WWOX: variants seen among roughly 807,000 people sequenced by gnomAD.
The protein encoded by WWOX is WW domain-containing oxidoreductase.
A neutral mutation model predicts 46.2 loss-of-function variants in WWOX; 69 were observed. That is an observed-to-expected ratio of 1.49 (90% confidence interval 1.23 to 1.82). WWOX has a LOEUF of 1.82. Among genes scored for constraint, WWOX ranks in the 40% most tolerant of loss-of-function variants. The pLI, the probability that WWOX is intolerant of heterozygous loss-of-function variation, is 0.00. For missense variants in WWOX, 919 were observed against 542.6 expected (o/e 1.69, Z -6.89); for synonymous variants, 359 against 202.6 (o/e 1.77, Z -6.56).
chr16:78,508,208 G>A (rs922994143), intron 8 of WWOX, among the ~76,000 whole-genome samples: 3 of 151,356 alleles, frequency 2.0e-5, no homozygotes, highest in East Asian at 1.9e-4. Flanking sequence ...ACAGGGTTTC[G>A]CCATGTTGGC....
chr16:78,935,514 C>A (rs981368083), intron 8 of WWOX, among the ~76,000 whole-genome samples: 3 of 151,180 alleles, frequency 2.0e-5, no homozygotes, highest in Non-Finnish European at 4.4e-5. Flanking sequence ...GACAAAAAAA[C>A]CAAACACTGC....
intron 8 of WWOX, among the ~76,000 whole-genome samples, chr16:78,786,847 G>A (rs1178617655): frequency 6.6e-6 from 1 of 152,184 alleles, no homozygotes; most frequent in African/African-American, 2.4e-5. Context: ...TTTACATAAT[G>A]TAAAATTTAC....
intron 8 of WWOX, among the ~76,000 whole-genome samples, chr16:78,536,156 C>G (rs534258906): frequency 5.3e-5 from 8 of 152,216 alleles, no homozygotes; most frequent in African/African-American, 1.9e-4. Context: ...GATACAGGCA[C>G]CACAACATAA....
At chr16:78,539,821 A>G (rs534389243) in intron 8 of WWOX, among the ~76,000 whole-genome samples, 1 of 152,312 alleles carries the variant, frequency 6.6e-6, no homozygotes, top group South Asian at 2.1e-4. Context: ...GATGCTGGGA[A>G]TGCGTTCATT....
Position 78,807,780 on chromosome 16 carries a change from G to A in WWOX, c.1056+375028G>A, listed in dbSNP as rs114501737. Among the ~76,000 whole-genome samples the A allele has an allele frequency of 3.2e-3, 485 of 152,236 alleles. 2 individuals are homozygous for A. Among genetic ancestry groups the A allele is most frequent in the African/African-American group, 0.011 (456 of 41,538 alleles). On this transcript the variant is annotated intron_variant, in intron 8 of 8. Coordinates refer to ENST00000566780, the MANE Select transcript of WWOX (RefSeq NM_016373.4). ...GTAGAGCTGCTTGTTTGTCTGATAC[G>A]GTAGCCATTAGCCACATGTGGCTAT...
chr16:79,137,830 C>A (rs1221033862), intron 8 of WWOX, among the ~76,000 whole-genome samples: 1 of 152,040 alleles, frequency 6.6e-6, no homozygotes, highest in East Asian at 1.9e-4. Flanking sequence ...GGTCAGGCTT[C>A]TGGCCCCGTC....
intron 8 of WWOX, among the ~76,000 whole-genome samples, chr16:78,855,557 C>G (rs1417645761): frequency 1.3e-5 from 2 of 152,186 alleles, no homozygotes; most frequent in African/African-American, 4.8e-5. Context: ...TTTCCCCAAG[C>G]ACTTTGATGA....
intron 8 of WWOX, among the ~76,000 whole-genome samples, chr16:79,045,291 C>G (rs574511319): frequency 6.6e-6 from 1 of 152,180 alleles, no homozygotes; most frequent in Non-Finnish European, 1.5e-5. Context: ...TCAGTGATAG[C>G]TCATGGGACA....
chr16:78,660,301 T>C (rs2047181281), intron 8 of WWOX, among the ~76,000 whole-genome samples: 2 of 152,168 alleles, frequency 1.3e-5, no homozygotes, highest in African/African-American at 4.8e-5. Flanking sequence ...TTCCGTACAC[T>C]AAAGGTCCCT....
intron 8 of WWOX, among the ~76,000 whole-genome samples, chr16:78,747,984 C>T (rs1156684422): frequency 6.6e-6 from 1 of 152,184 alleles, no homozygotes; most frequent in African/African-American, 2.4e-5. Flanking sequence ...TCTTGCGTAG[C>T]AGCCTAAGAA....
At chr16:78,509,424 G>A (rs1045075236) in intron 8 of WWOX, among the ~76,000 whole-genome samples, 44 of 137,896 alleles carry the variant, frequency 3.2e-4, no homozygotes, top group African/African-American at 1.1e-3. Context: ...TGGTGACAGA[G>A]CGAGACTCAG....
In WWOX at chr16:78,432,548, A is replaced by G. The variant is rs1463281121; in HGVS notation, c.852A>G (p.Lys284=). The G allele has an allele frequency of 1.9e-6, 3 of 1,614,032 alleles. No homozygotes were observed. The highest frequency in any genetic ancestry group is 2.2e-5 in the East Asian group (1 of 44,896). The part of the protein sequence containing the change: ...KLDFSRLSPT[K]NDYWAMLAYN... The stretch of plus-strand genomic sequence containing the variant: ...ACTTCAGTCGCCTCTCTCCAACAAA[A>G]AACGACTATTGGGCGATGCTGGCTT... Residue 284 remains lysine (K), a synonymous_variant, in exon 8 of 9, where the codon AAA becomes AAG. Transcript: ENST00000566780.
chr16:78,942,177 C>G (rs1006849533), intron 8 of WWOX, among the ~76,000 whole-genome samples: 2 of 152,122 alleles, frequency 1.3e-5, no homozygotes, highest in Non-Finnish European at 2.9e-5. Flanking sequence ...AGAGTGGGTG[C>G]GTCTTTGTGT....
At chr16:78,252,413 T>A (rs1199905569) in intron 5 of WWOX, among the ~76,000 whole-genome samples, 1 of 152,230 alleles carries the variant, frequency 6.6e-6, no homozygotes, top group Non-Finnish European at 1.5e-5. Flanking sequence ...TTATAATTTA[T>A]TAAAAACTAC....
At chr16:78,516,474 C>G (rs2043238000) in intron 8 of WWOX, among the ~76,000 whole-genome samples, 1 of 152,188 alleles carries the variant, frequency 6.6e-6, no homozygotes, top group Admixed American at 6.5e-5. Flanking sequence ...TCAGAGCTTT[C>G]CAGACATTTG....
At chr16:79,125,500 G>A (rs74862029) in intron 8 of WWOX, among the ~76,000 whole-genome samples, 1 of 152,118 alleles carries the variant, frequency 6.6e-6, no homozygotes, top group African/African-American at 2.4e-5. Context: ...GATCCAGTAC[G>A]CCCAGGCTCA....
chr16:78,298,317 C>G (rs2079975869), intron 5 of WWOX, among the ~76,000 whole-genome samples: 1 of 152,026 alleles, frequency 6.6e-6, no homozygotes, highest in Admixed American at 6.6e-5. Context: ...GAGAAGAGCT[C>G]TATAGGCAAA....
At chr16:79,186,175 C>T (rs867232681) in intron 8 of WWOX, among the ~76,000 whole-genome samples, 6 of 152,096 alleles carry the variant, frequency 3.9e-5, no homozygotes, top group Non-Finnish European at 5.9e-5. Flanking sequence ...TTTGGGGTGG[C>T]TGAGAAGAGA....
At chr16:78,586,105 C>A (rs140073373) in intron 8 of WWOX, among the ~76,000 whole-genome samples, 7 of 152,146 alleles carry the variant, frequency 4.6e-5, no homozygotes, top group Non-Finnish European at 7.4e-5. Context: ...ACCTGTAATC[C>A]CAACACTTTG....
Sources: allele counts gnomAD v4.1 joint callset (sites outside exome capture counted in the v4.1 genomes callset), GRCh38; gene constraint gnomAD v4.1.1; transcripts MANE v1.5; gene names NCBI Gene and HGNC (gene_info 2026-07-23, HGNC 2026-07-21).